Variants in INPP4B observed in about 807,000 individuals in gnomAD.
The protein encoded by INPP4B is inositol polyphosphate 4-phosphatase type II.
A neutral mutation model predicts 122.5 loss-of-function variants in INPP4B; 55 were observed. The observed-to-expected ratio is 0.45, with a 90% CI of 0.36 to 0.56. The LOEUF is 0.56. Ranked by LOEUF, INPP4B falls within the 20% of genes least tolerant of loss-of-function variation. INPP4B has a pLI of 0.00. For synonymous variants in INPP4B, 403 were observed against 388.7 expected (o/e 1.04, Z -0.43); for missense variants, 1,000 against 1,097.7 (o/e 0.91, Z 1.26).
Position 142,190,207 on chromosome 4 carries a change from G to T in INPP4B, c.1181+2880C>A, listed in dbSNP as rs942329953. 8.4e-3 allele frequency among the ~76,000 whole-genome samples: 309 copies of T among 36,946 alleles called. 1 individual carries two copies. Among genetic ancestry groups the T allele is most frequent in the African/African-American group, 0.012 (289 of 24,174 alleles). The allele number at this position is 36,946 out of a possible 152,430, so 24.2% of individuals were successfully genotyped here. On this transcript the variant is annotated intron_variant, in intron 15 of 25. Coordinates refer to ENST00000262992, the MANE Select transcript of INPP4B (RefSeq NM_001101669.3). ...TTTATTTGTTTGTTTGTTTATTTTT[G>T]TTTTTTTTTTTTTGGTGGGGGGCAA...
chr4:142,248,594 C>G (rs1377775471), intron 11 of INPP4B, among the ~76,000 whole-genome samples: 3 of 151,538 alleles, frequency 2.0e-5, no homozygotes, highest in Non-Finnish European at 4.4e-5. Flanking sequence ...CCACTTCAGC[C>G]TCCCAAAGTG....
chr4:142,230,129 T>C (rs1162783579), intron 12 of INPP4B, among the ~76,000 whole-genome samples: 8 of 152,238 alleles, frequency 5.3e-5, no homozygotes, highest in Non-Finnish European at 7.3e-5. Context: ...TGTTCATATG[T>C]TAGTATACTT....
At chr4:142,047,077 C>A (rs755943972) in intron 25 of INPP4B, among the ~76,000 whole-genome samples, 38 of 152,056 alleles carry the variant, frequency 2.5e-4, no homozygotes, top group Non-Finnish European at 5.1e-4. Flanking sequence ...ACAGAGCCAT[C>A]ATTTCTGACA....
chr4:142,117,350 C>T (rs926218980), intron 21 of INPP4B, among the ~76,000 whole-genome samples: 6 of 151,934 alleles, frequency 3.9e-5, no homozygotes, highest in African/African-American at 1.5e-4. Context: ...CTGGCAGAGA[C>T]ACAACAAAAA....
chr4:142,317,944 G>A (rs530543752), intron 7 of INPP4B, among the ~76,000 whole-genome samples: 1 of 152,166 alleles, frequency 6.6e-6, no homozygotes, highest in South Asian at 2.1e-4. Context: ...TTATAGAAGT[G>A]GAGTTTTATT....
chr4:142,396,362 C>T (rs895509341), intron 7 of INPP4B, among the ~76,000 whole-genome samples: 9 of 151,868 alleles, frequency 5.9e-5, no homozygotes, highest in East Asian at 3.9e-4. Flanking sequence ...CACAGGAAAA[C>T]GTGCTCAACA....
At chr4:142,061,879 CACACACAT>C (rs1760865057) in intron 25 of INPP4B, among the ~76,000 whole-genome samples, 1 of 8,410 alleles carries the variant, frequency 1.2e-4, no homozygotes, top group African/African-American at 1.7e-4. Context: ...CACACACACA[CACACACAT>C]ATATATATAT....
intron 3 of INPP4B, among the ~76,000 whole-genome samples, chr4:142,440,159 T>C (rs1224768663): frequency 6.6e-6 from 1 of 152,200 alleles, no homozygotes; most frequent in African/African-American, 2.4e-5. Flanking sequence ...GAAGTCACCA[T>C]GTGCAAGGCA....
intron 18 of INPP4B, among the ~76,000 whole-genome samples, chr4:142,134,840 A>C (rs1374588177): frequency 6.6e-6 from 1 of 151,218 alleles, no homozygotes; most frequent in Non-Finnish European, 1.5e-5. Flanking sequence ...TTAGCTGGAG[A>C]ACTATTAACT....
intron 2 of INPP4B, among the ~76,000 whole-genome samples, chr4:142,534,237 T>C (rs1029097836): frequency 6.6e-6 from 1 of 152,104 alleles, no homozygotes; most frequent in Non-Finnish European, 1.5e-5. Flanking sequence ...TGAAAAATAA[T>C]TTCAATTGCT....
intron 8 of INPP4B, among the ~76,000 whole-genome samples, chr4:142,309,361 TG>T (rs1297961114): frequency 1.3e-5 from 2 of 151,934 alleles, no homozygotes; most frequent in Non-Finnish European, 2.9e-5. Flanking sequence ...GAAAAAAAGA[TG>T]AAAAAAGATA....
intron 9 of INPP4B, among the ~76,000 whole-genome samples, chr4:142,283,743 ACAT>A (rs1290239698): frequency 1.3e-5 from 2 of 152,162 alleles, no homozygotes; most frequent in African/African-American, 4.8e-5. Context: ...ATTGACCAAA[ACAT>A]CATTATGTGA....
intron 3 of INPP4B, among the ~76,000 whole-genome samples, chr4:142,448,329 C>CAAAAA (rs71586289): frequency 4.7e-4 from 29 of 61,984 alleles, no homozygotes; most frequent in African/African-American, 1.5e-3. Flanking sequence ...TATCCATCTC[C>CAAAAA]AAAAAAAAAA....
chr4:142,648,687 G>A (rs1021555967), intron 2 of INPP4B, among the ~76,000 whole-genome samples: 20 of 152,338 alleles, frequency 1.3e-4, no homozygotes, highest in East Asian at 1.9e-4. Context: ...TGGGCTGGGC[G>A]GAGCCCACCA....
intron 18 of INPP4B, among the ~76,000 whole-genome samples, chr4:142,132,194 T>G (rs1801647302): frequency 6.6e-6 from 1 of 152,148 alleles, no homozygotes; most frequent in Admixed American, 6.5e-5. Flanking sequence ...ATCACAAGTT[T>G]GTGCCTGAAA....
At chr4:142,192,150 C>A (rs1319031085) in intron 15 of INPP4B, among the ~76,000 whole-genome samples, 1 of 151,006 alleles carries the variant, frequency 6.6e-6, no homozygotes, top group African/African-American at 2.4e-5. Context: ...CAACAGACAC[C>A]AGGACCTACT....
chr4:142,587,486 A>G (rs1456677511), intron 2 of INPP4B, among the ~76,000 whole-genome samples: 1 of 152,166 alleles, frequency 6.6e-6, no homozygotes, highest in Non-Finnish European at 1.5e-5. Context: ...AGATTAGCTC[A>G]TTTGTGAATG....
intron 7 of INPP4B, among the ~76,000 whole-genome samples, chr4:142,354,335 T>C (rs1782896825): frequency 1.3e-5 from 2 of 152,010 alleles, no homozygotes; most frequent in South Asian, 4.1e-4. Context: ...CCCATAACTA[T>C]GTGCAATTCA....
intron 2 of INPP4B, among the ~76,000 whole-genome samples, chr4:142,578,709 T>C (rs1276241631): frequency 2.6e-5 from 4 of 151,948 alleles, no homozygotes; most frequent in Non-Finnish European, 5.9e-5. Context: ...TCTTCTAAGG[T>C]ACTGGGGGTT....
Sources: allele counts gnomAD v4.1 joint callset (sites outside exome capture counted in the v4.1 genomes callset), GRCh38; gene constraint gnomAD v4.1.1; transcripts MANE v1.5; gene names NCBI Gene and HGNC (gene_info 2026-07-23, HGNC 2026-07-21).